INPP4B: variants seen among roughly 807,000 people sequenced by gnomAD.
INPP4B encodes inositol polyphosphate-4-phosphatase type II B, also known as inositol polyphosphate 4-phosphatase type II.
A neutral mutation model predicts 122.5 loss-of-function variants in INPP4B; 55 were observed. The ratio of observed to expected loss-of-function variants is 0.45; its 90% confidence interval spans 0.36 to 0.56. INPP4B has a LOEUF of 0.56. INPP4B is among the 20% of genes least tolerant of loss of function. The pLI is 0.00. For missense variants in INPP4B, 1,000 were observed against 1,097.7 expected (o/e 0.91, Z 1.26); for synonymous variants, 403 against 388.7 (o/e 1.04, Z -0.43).
chr4:142,843,279 T>A (rs1783784145), intron 1 of INPP4B, among the ~76,000 whole-genome samples: 1 of 151,862 alleles, frequency 6.6e-6, no homozygotes, highest in Non-Finnish European at 1.5e-5. Flanking sequence ...AATTATTTAA[T>A]AATCTCATTT....
In INPP4B at chr4:142,642,893, TC is replaced by T. The variant is rs372294411; in HGVS notation, c.-191+82945del. On this transcript the variant is annotated intron_variant, in intron 2 of 25. Transcript: ENST00000262992. ...ATTTTCACAATATTGATTCTTTCTATCCATGAGCATGGAATGTTCTTCCATT... is the reference window on the plus strand; with the variant it reads ...ATTTTCACAATATTGATTCTTTCTATCATGAGCATGGAATGTTCTTCCATT... Among the ~76,000 whole-genome samples, 404 of 152,286 alleles carry T rather than the reference TC, an allele frequency of 2.7e-3. 6 individuals carry two copies. The highest frequency in any genetic ancestry group is 0.018 in the East Asian group (94 of 5,178).
intron 17 of INPP4B, among the ~76,000 whole-genome samples, chr4:142,151,983 A>G (rs777509552): frequency 1.2e-4 from 18 of 151,056 alleles, no homozygotes; most frequent in Non-Finnish European, 1.8e-4. Context: ...TCTTCCATCA[A>G]TCTAAATTCT....
intron 2 of INPP4B, among the ~76,000 whole-genome samples, chr4:142,678,786 C>T (rs1231648503): frequency 6.6e-6 from 1 of 151,866 alleles, no homozygotes; most frequent in East Asian, 1.9e-4. Flanking sequence ...GTTAGACCAT[C>T]CTTGGAGCAT....
chr4:142,419,204 A>G (rs1806372097), intron 5 of INPP4B, among the ~76,000 whole-genome samples: 2 of 152,112 alleles, frequency 1.3e-5, no homozygotes, highest in African/African-American at 4.8e-5. Flanking sequence ...TAAAATTTTT[A>G]AGATAACCTC....
At chr4:142,691,114 G>A (rs947414981) in intron 2 of INPP4B, among the ~76,000 whole-genome samples, 8 of 152,060 alleles carry the variant, frequency 5.3e-5, no homozygotes, top group Non-Finnish European at 1.0e-4. Flanking sequence ...GGAGCTCTAA[G>A]CGCATCTCAG....
intron 7 of INPP4B, chr4:142,347,229 C>T (rs1254678747): frequency 6.5e-6 from 1 of 153,740 alleles, no homozygotes; most frequent in Non-Finnish European, 1.4e-5. Flanking sequence ...AAGATGATGT[C>T]AACCTATTAA....
intron 1 of INPP4B, among the ~76,000 whole-genome samples, chr4:142,735,638 T>C (rs1157527135): frequency 6.6e-6 from 1 of 152,194 alleles, no homozygotes; most frequent in African/African-American, 2.4e-5. Flanking sequence ...ATCCTTTGAC[T>C]TCTCAGCTGA....
Position 142,547,465 on chromosome 4 carries a change from A to G in INPP4B, c.-190-84739T>C, listed in dbSNP as rs140798360. Among the ~76,000 whole-genome samples the G allele has an allele frequency of 1.4e-3, 215 of 152,130 alleles. 1 individual carries two copies. Among genetic ancestry groups the G allele is most frequent in the Non-Finnish European group, 2.4e-3 (165 of 67,990 alleles). On this transcript the variant is annotated intron_variant, in intron 2 of 25. Transcript: ENST00000262992. ...ATAAATATTTATGAGTGGCTCCAAA[A>G]CCCTGCACTAATTTTCTGCAACCCA...
At chr4:142,062,215 G>A (rs183283945) in intron 25 of INPP4B, among the ~76,000 whole-genome samples, 122 of 151,860 alleles carry the variant, frequency 8.0e-4, no homozygotes, top group Middle Eastern at 6.8e-3. Context: ...AACATCCTAT[G>A]GCATCCAGTG....
At chr4:142,580,527 C>G (rs150991132) in intron 2 of INPP4B, among the ~76,000 whole-genome samples, 3 of 151,920 alleles carry the variant, frequency 2.0e-5, no homozygotes, top group Admixed American at 2.0e-4. Flanking sequence ...AGACTTCACA[C>G]GACAGCTGTG....
intron 2 of INPP4B, among the ~76,000 whole-genome samples, chr4:142,543,839 T>C (rs1004200370): frequency 2.0e-5 from 3 of 152,158 alleles, no homozygotes; most frequent in African/African-American, 7.2e-5. Flanking sequence ...ATTTTACATC[T>C]GATTTTAAAT....
intron 22 of INPP4B, among the ~76,000 whole-genome samples, chr4:142,109,343 C>T (rs1372969926): frequency 6.6e-6 from 1 of 152,138 alleles, no homozygotes; most frequent in African/African-American, 2.4e-5. Context: ...ACATCAACTA[C>T]ATACCATACA....
intron 1 of INPP4B, among the ~76,000 whole-genome samples, chr4:142,805,307 A>G (rs1407491428): frequency 1.3e-5 from 2 of 152,208 alleles, no homozygotes; most frequent in East Asian, 1.9e-4. Flanking sequence ...ACTTAACATT[A>G]TATAAGATGT....
chr4:142,042,710 G>A (rs1356051383), intron 25 of INPP4B, among the ~76,000 whole-genome samples: 5 of 152,034 alleles, frequency 3.3e-5, no homozygotes, highest in Admixed American at 6.6e-5. Context: ...TTACAGGCAC[G>A]CGCCCTCATG....
At chr4:142,575,012 C>T (rs887833369) in intron 2 of INPP4B, among the ~76,000 whole-genome samples, 3 of 152,076 alleles carry the variant, frequency 2.0e-5, no homozygotes, top group Admixed American at 6.6e-5. Flanking sequence ...ATTTCGCTAG[C>T]ACTGAGAGTC....
intron 15 of INPP4B, among the ~76,000 whole-genome samples, chr4:142,177,261 GAAA>G (rs10582712): frequency 6.6e-6 from 1 of 151,736 alleles, no homozygotes; most frequent in Non-Finnish European, 1.5e-5. Context: ...GTATGGTATG[GAAA>G]AAAAAAATCA....
At chr4:142,776,606 G>C (rs934629821) in intron 1 of INPP4B, among the ~76,000 whole-genome samples, 1 of 152,120 alleles carries the variant, frequency 6.6e-6, no homozygotes, top group Non-Finnish European at 1.5e-5. Flanking sequence ...TTCTACATAA[G>C]CATTTCTGGC....
chr4:142,392,846 G>T (rs1001806425), intron 7 of INPP4B, among the ~76,000 whole-genome samples: 3 of 152,108 alleles, frequency 2.0e-5, no homozygotes, highest in Non-Finnish European at 4.4e-5. Context: ...CAGTTGCAGG[G>T]AATTAACAAA....
chr4:142,072,551 T>C (rs1768127370), intron 25 of INPP4B, among the ~76,000 whole-genome samples: 1 of 151,832 alleles, frequency 6.6e-6, no homozygotes, highest in African/African-American at 2.4e-5. Context: ...TTTTTTTTTT[T>C]TTTTTACCTT....
Sources: gnomAD v4.1 joint callset for allele counts (sites outside exome capture counted in the v4.1 genomes callset) on GRCh38, gnomAD v4.1.1 for gene constraint, MANE v1.5 for transcripts, NCBI Gene and HGNC (gene_info 2026-07-23, HGNC 2026-07-21) for gene names.